CNBD1: variants seen among roughly 807,000 people sequenced by gnomAD.
The protein encoded by CNBD1 is cyclic nucleotide-binding domain-containing protein 1.
In CNBD1, 71 loss-of-function variants were observed where a neutral mutation model predicts 54.4. The observed-to-expected ratio is 1.30, with a 90% confidence interval of 1.08 to 1.59. CNBD1 has a LOEUF of 1.59. Among genes scored for constraint, CNBD1 ranks in the 40% most tolerant of loss-of-function variants. The pLI, the probability that CNBD1 is intolerant of heterozygous loss-of-function variation, is 0.00. For synonymous variants in CNBD1, 182 were observed against 170.7 expected (o/e 1.07, Z -0.51); for missense variants, 659 against 518.0 (o/e 1.27, Z -2.64).
rs542897179 is a variant in CNBD1 at position 87,411,855 on chromosome 8, G to C, written c.214-16691G>C. Among the ~76,000 whole-genome samples the C allele has an allele frequency of 8.6e-5, 13 of 151,882 alleles. No individual in the cohort carries two copies. In the South Asian group the frequency reaches 2.7e-3, roughly 32 times the overall value. The stretch of plus-strand genomic sequence containing the variant: ...TCATTTTTCAATAATAATATAATAA[G>C]TGACCATGAAGGGAATAGAAACCTA... On this transcript the variant is annotated intron_variant, in intron 2 of 7. Transcript: ENST00000521593.
chr8:87,278,068 T>C (rs917432795), intron 6 of CNBD1, among the ~76,000 whole-genome samples: 22 of 151,548 alleles, frequency 1.5e-4, no homozygotes, highest in Non-Finnish European at 1.9e-4. Context: ...ATGTAGTTAT[T>C]AGCAGATTAG....
rs77775528 is a variant in CNBD1 at position 87,368,923 on chromosome 8, C to A, written c.1304-13697C>A. Among the ~76,000 whole-genome samples the A allele has an allele frequency of 5.7e-3, 871 of 151,874 alleles. 17 individuals are homozygous for A. The highest frequency in any genetic ancestry group is 0.02 in the African/African-American group (836 of 41,474). On this transcript the variant is annotated intron_variant, in intron 10 of 10. Transcript: ENST00000518476. ...CCAAATGTCAGATTCGGCTTCCCTC[C>A]CCTCCTTCTTTTCCTTCTCATGACT... is the stretch of plus-strand genomic sequence containing the variant.
chr8:87,354,608 C>A (rs1810387135), intron 10 of CNBD1, among the ~76,000 whole-genome samples: 1 of 151,748 alleles, frequency 6.6e-6, no homozygotes, highest in African/African-American at 2.4e-5. Context: ...TTCCTGTGTC[C>A]ATGTGTTCTC....
chr8:87,391,923 G>C (rs747314547), intron 2 of CNBD1, among the ~76,000 whole-genome samples: 1 of 151,996 alleles, frequency 6.6e-6, no homozygotes, highest in Admixed American at 6.6e-5. Context: ...TGAGAAAATT[G>C]CAGATAATTT....
chr8:86,976,075 A>G (rs1040894599), intron 4 of CNBD1, among the ~76,000 whole-genome samples: 11 of 150,976 alleles, frequency 7.3e-5, no homozygotes, highest in Admixed American at 6.6e-5. Flanking sequence ...TTAAATAGGG[A>G]TACTTGTTTT....
intron 2 of CNBD1, among the ~76,000 whole-genome samples, chr8:87,417,509 T>C (rs926266287): frequency 6.6e-6 from 1 of 151,950 alleles, no homozygotes; most frequent in Admixed American, 6.6e-5. Flanking sequence ...GGCAAGTAAA[T>C]GGAAGAAAAG....
At chr8:87,113,657 C>T (rs1052991766) in intron 4 of CNBD1, among the ~76,000 whole-genome samples, 1 of 152,114 alleles carries the variant, frequency 6.6e-6, no homozygotes, top group Non-Finnish European at 1.5e-5. Context: ...CGGTGACTCA[C>T]GCCTGTAATC....
Position 87,257,274 on chromosome 8 carries a change from C to T in CNBD1, c.771+20162C>T, listed in dbSNP as rs190170466. ...ATACCAGCCACTGGGGAGGCTGAGA[C>T]AGGAGAATCGCTTGAATCCAGGAGA... On this transcript the variant is annotated intron_variant, in intron 6 of 10. Coordinates refer to ENST00000518476, the MANE Select transcript of CNBD1 (RefSeq NM_173538.3). 4.1e-3 allele frequency among the ~76,000 whole-genome samples: 609 copies of T among 148,436 alleles called. 8 individuals are homozygous for T. Among genetic ancestry groups the T allele is most frequent in the African/African-American group, 0.015 (583 of 40,066 alleles).
At chr8:87,016,033 T>C (rs1809349835) in intron 4 of CNBD1, among the ~76,000 whole-genome samples, 1 of 147,842 alleles carries the variant, frequency 6.8e-6, no homozygotes, top group African/African-American at 2.5e-5. Flanking sequence ...GTTATACCTC[T>C]ATCTTTATAT....
chr8:87,367,183 A>T (rs1010913490), intron 10 of CNBD1, among the ~76,000 whole-genome samples: 5 of 152,080 alleles, frequency 3.3e-5, no homozygotes, highest in African/African-American at 4.8e-5. Context: ...TTGTCCTGAC[A>T]AACTTTGAGA....
intron 8 of CNBD1, among the ~76,000 whole-genome samples, chr8:87,300,760 T>C (rs1430045513): frequency 6.6e-6 from 1 of 152,104 alleles, no homozygotes; most frequent in Non-Finnish European, 1.5e-5. Flanking sequence ...TGAAGGCCTC[T>C]TATTTTAGTA....
At chr8:87,244,039 T>G (rs1161875725) in intron 6 of CNBD1, among the ~76,000 whole-genome samples, 1 of 152,186 alleles carries the variant, frequency 6.6e-6, no homozygotes, top group Non-Finnish European at 1.5e-5. Flanking sequence ...AAGTTAAACA[T>G]GCGCACCCAT....
At chr8:86,975,531 T>C (rs1323889025) in intron 4 of CNBD1, among the ~76,000 whole-genome samples, 1 of 152,062 alleles carries the variant, frequency 6.6e-6, no homozygotes, top group African/African-American at 2.4e-5. Context: ...CACTCTACAT[T>C]CACCTATGTT....
At chr8:87,356,235 G>T (rs1242668658) in intron 10 of CNBD1, among the ~76,000 whole-genome samples, 1 of 152,188 alleles carries the variant, frequency 6.6e-6, no homozygotes, top group Non-Finnish European at 1.5e-5. Flanking sequence ...AAAATGGGAA[G>T]CAGCTTTGGA....
intron 2 of CNBD1, among the ~76,000 whole-genome samples, chr8:86,896,445 T>G (rs7018145): frequency 0.95 from 143,828 of 152,148 alleles, 68,085 homozygotes; most frequent in East Asian, 1. Context: ...TGGGGCAGTG[T>G]ATATCTTTCT....
At chr8:86,969,707 G>T (rs138893748) in intron 4 of CNBD1, among the ~76,000 whole-genome samples, 36 of 151,310 alleles carry the variant, frequency 2.4e-4, no homozygotes, top group Non-Finnish European at 5.2e-4. Context: ...TTGAGTTATT[G>T]TCTAATACAA....
intron 3 of CNBD1, among the ~76,000 whole-genome samples, chr8:86,931,478 A>ATTT (rs71275896): frequency 1.3e-5 from 2 of 150,814 alleles, no homozygotes; most frequent in African/African-American, 4.9e-5. Flanking sequence ...CTCATTGCAC[A>ATTT]TTTTTTTTTA....
At chr8:87,328,934 G>T (rs958779317) in intron 8 of CNBD1, among the ~76,000 whole-genome samples, 4 of 151,898 alleles carry the variant, frequency 2.6e-5, no homozygotes, top group African/African-American at 9.7e-5. Flanking sequence ...TTCTTGCATG[G>T]ATCATGCTTT....
At chr8:86,958,819 C>T (rs1385622628) in intron 4 of CNBD1, among the ~76,000 whole-genome samples, 1 of 152,102 alleles carries the variant, frequency 6.6e-6, no homozygotes, top group Non-Finnish European at 1.5e-5. Flanking sequence ...GAGCATTTAG[C>T]CCATTTACAT....
Sources: allele counts gnomAD v4.1 joint callset (sites outside exome capture counted in the v4.1 genomes callset), GRCh38; gene constraint gnomAD v4.1.1; transcripts MANE v1.5; gene names NCBI Gene and HGNC (gene_info 2026-07-23, HGNC 2026-07-21).